SCFD2: variants seen among roughly 807,000 people sequenced by gnomAD.
SCFD2 encodes sec1 family domain containing 2, also known as sec1 family domain-containing protein 2.
SCFD2 carries 54 observed loss-of-function variants against 58.9 expected under a neutral mutation model. That is an observed-to-expected ratio of 0.92 (90% CI 0.74 to 1.15). The LOEUF (loss-of-function observed/expected upper bound fraction) is 1.15, where lower values mean the gene tolerates loss of function less well. SCFD2 is among the 50% of genes most tolerant of loss of function. The pLI is 0.00. For synonymous variants in SCFD2, 321 were observed against 335.9 expected, an observed-to-expected ratio of 0.96 and a Z score of 0.49; for missense variants, 805 against 836.6, an observed-to-expected ratio of 0.96 and a Z score of 0.47.
At chr4:53,056,734 C>T (rs2148836582) in intron 5 of SCFD2, among the ~76,000 whole-genome samples, 1 of 152,210 alleles carries the variant, frequency 6.6e-6, no homozygotes. Flanking sequence ...TTTCGACATC[C>T]CCCACTCTTC....
chr4:53,266,387 A>G lies in SCFD2; in HGVS notation c.1311+7439T>C, dbSNP rs552345884. ...CTCACTCAATCCTGACAATAACACT[A>G]TGAGGTAGATAATTTATTCTTAGCT... is the stretch of plus-strand genomic sequence containing the variant. On this transcript the variant is annotated intron_variant, in intron 4 of 8. Transcript: ENST00000401642. Among the ~76,000 whole-genome samples the G allele has an allele frequency of 2.0e-5, 3 of 152,284 alleles. No individual in the cohort carries two copies. The East Asian group carries it at 5.8e-4, about 29-fold the overall frequency.
At chr4:53,203,268 G>T (rs1335866988) in intron 4 of SCFD2, among the ~76,000 whole-genome samples, 1 of 152,102 alleles carries the variant, frequency 6.6e-6, no homozygotes, top group Non-Finnish European at 1.5e-5. Context: ...GGCCTTTTCT[G>T]CATCTATTGA....
intron 8 of SCFD2, 103 bp downstream of exon 8, chr4:52,885,644 G>T: frequency 7.4e-7 from 1 of 1,354,480 alleles, no homozygotes; most frequent in Non-Finnish European, 1.0e-6. Context: ...TGATGGGCAG[G>T]CAGGCTAGGA....
chr4:52,981,022 A>G (rs1354995686), intron 5 of SCFD2, among the ~76,000 whole-genome samples: 4 of 152,194 alleles, frequency 2.6e-5, no homozygotes, highest in Non-Finnish European at 5.9e-5. Context: ...GGCTCAGTTT[A>G]TAAATAAACT....
chr4:53,135,314 T>A (rs1725903694), intron 5 of SCFD2, among the ~76,000 whole-genome samples: 1 of 152,236 alleles, frequency 6.6e-6, no homozygotes, highest in African/African-American at 2.4e-5. Flanking sequence ...TAAGATTTAT[T>A]TGACTCATGT....
At chr4:53,274,137 T>A in intron 3 of SCFD2, 136 bp from the exon 4 acceptor site, 1 of 678,240 alleles carries the variant, frequency 1.5e-6, no homozygotes, top group Non-Finnish European at 2.3e-6. Context: ...TAAGCTATTG[T>A]GATTCTTACA....
chr4:53,127,619 T>G (rs1239203266), intron 5 of SCFD2, among the ~76,000 whole-genome samples: 2 of 152,244 alleles, frequency 1.3e-5, no homozygotes, highest in Non-Finnish European at 2.9e-5. Flanking sequence ...AGGAGTTGTC[T>G]GAGCTGAGCT....
intron 4 of SCFD2, among the ~76,000 whole-genome samples, chr4:53,198,368 G>A (rs1321066482): frequency 6.6e-6 from 1 of 151,578 alleles, no homozygotes; most frequent in African/African-American, 2.4e-5. Flanking sequence ...ATTCAAACAG[G>A]ATTTTTTTAA....
rs190140585 is a variant in SCFD2, at chr4:52,984,670, C to T, written c.1562-63800G>A. Among the ~76,000 whole-genome samples, 3 of 152,314 alleles carry T rather than the reference C, an allele frequency of 2.0e-5. No individual in the cohort carries two copies. The East Asian group carries it at 5.8e-4, about 29-fold the overall frequency. ...GTCTAAGTAGTTCTTCTTGTTGAAT[C>T]ATCAACGACAAATCCTTAGGTCGGC... is the stretch of plus-strand genomic sequence containing the variant. On this transcript the variant is annotated intron_variant, in intron 5 of 8. Transcript: ENST00000401642.
chr4:52,976,970 T>G (rs1577874398), intron 5 of SCFD2, among the ~76,000 whole-genome samples: 1 of 152,166 alleles, frequency 6.6e-6, no homozygotes, highest in Admixed American at 6.5e-5. Flanking sequence ...ACTTACTTTG[T>G]AAGGCTGTTG....
chr4:53,306,394 G>A (rs962649518), intron 3 of SCFD2, among the ~76,000 whole-genome samples: 1 of 151,898 alleles, frequency 6.6e-6, no homozygotes, highest in African/African-American at 2.4e-5. Flanking sequence ...GAAGACAAAG[G>A]GAAAAGAACC....
Position 52,885,758 on chromosome 4 carries a change from G to T in SCFD2, c.1951C>A (p.Pro651Thr). The change falls in exon 8 of 9, where the codon CCA becomes ACA. Residue 651 changes from proline to threonine, a missense_variant. Pro to Thr is a conservative substitution (Grantham distance 38, BLOSUM62 -1). Around this residue, in one of 3 missense-constraint regions of SCFD2, gnomAD observed 633 missense variants for 646.8 expected, o/e 0.98. Transcript: ENST00000401642. ...MVKDLVASLK[P>T]GTQVIVLSTR... ...GGAGGACTCAGTACCTGGGTTCCTG[G>T]CTTCAACGATGCCACAAGATCTTTG... is the stretch of plus-strand genomic sequence containing the variant. The T allele has an allele frequency of 6.2e-7, 1 of 1,613,954 alleles. No homozygotes were observed.
intron 2 of SCFD2, among the ~76,000 whole-genome samples, chr4:53,323,668 A>G (rs1733093376): frequency 6.6e-6 from 1 of 151,438 alleles, no homozygotes; most frequent in Admixed American, 6.6e-5. Flanking sequence ...GCATAAGCCA[A>G]TGTGCCTAGC....
At chr4:53,079,814 A>G (rs1724088764) in intron 5 of SCFD2, among the ~76,000 whole-genome samples, 3 of 152,088 alleles carry the variant, frequency 2.0e-5, no homozygotes, top group Admixed American at 2.0e-4. Flanking sequence ...TGAGAAAGTC[A>G]CTCTCTCCAT....
intron 8 of SCFD2, among the ~76,000 whole-genome samples, chr4:52,875,824 A>ATG (rs1485812776): frequency 8.1e-5 from 4 of 49,230 alleles, no homozygotes; most frequent in South Asian, 1.5e-3. Flanking sequence ...ATATATATAT[A>ATG]TATATATATA....
At chr4:53,253,401 A>G (rs1382406122) in intron 4 of SCFD2, among the ~76,000 whole-genome samples, 2 of 152,128 alleles carry the variant, frequency 1.3e-5, no homozygotes, top group Admixed American at 1.3e-4. Flanking sequence ...ATATACCCAA[A>G]GGACTATAAA....
chr4:53,313,873 T>G (rs1732775718), intron 2 of SCFD2, 110 bp from the exon 3 acceptor site: 8 of 927,128 alleles, frequency 8.6e-6, no homozygotes, highest in Non-Finnish European at 1.3e-5. Flanking sequence ...ATGTAGTCTT[T>G]CCTACTGATA....
chr4:52,943,778 G>A (rs301099), intron 5 of SCFD2, among the ~76,000 whole-genome samples: 16,930 of 152,060 alleles, frequency 0.11, 1,798 homozygotes, highest in African/African-American at 0.28. Flanking sequence ...GCTGACATGA[G>A]GAGAGACCCT....
intron 4 of SCFD2, among the ~76,000 whole-genome samples, chr4:53,229,607 T>G (rs1220485647): frequency 1.3e-5 from 2 of 152,160 alleles, no homozygotes; most frequent in Non-Finnish European, 2.9e-5. Context: ...TTACACCTTA[T>G]ACAAAAATTA....
Sources: allele counts gnomAD v4.1 joint callset (sites outside exome capture counted in the v4.1 genomes callset), GRCh38; gene constraint gnomAD v4.1.1; regional missense constraint gnomAD v4.1.1; transcripts MANE v1.5; gene names NCBI Gene and HGNC (gene_info 2026-07-23, HGNC 2026-07-21).